GAP43: variants seen among roughly 807,000 people sequenced by gnomAD.
GAP43 encodes the protein neuromodulin.
Under a neutral mutation model 18.6 loss-of-function variants are expected in GAP43, and 6 were observed. That is an observed-to-expected ratio of 0.32 (90% CI 0.18 to 0.64). GAP43 has a LOEUF of 0.64. Ranked by LOEUF, GAP43 falls within the 30% of genes least tolerant of loss-of-function variation. GAP43 has a pLI of 0.78. For synonymous variants in GAP43, 115 were observed against 111.4 expected, an observed-to-expected ratio of 1.03 and a Z score of -0.20; for missense variants, 292 against 295.5, an observed-to-expected ratio of 0.99 and a Z score of 0.09.
At chr3:115,708,499 G>T (rs1328921614) in intron 2 of GAP43, among the ~76,000 whole-genome samples, 1 of 152,152 alleles carries the variant, frequency 6.6e-6, no homozygotes, top group Non-Finnish European at 1.5e-5. Flanking sequence ...TAATTTATTG[G>T]TGCAAACTTA....
chr3:115,669,073 C>CAT (rs1708775363), intron 1 of GAP43, among the ~76,000 whole-genome samples: 1 of 150,624 alleles, frequency 6.6e-6, no homozygotes, highest in Non-Finnish European at 1.5e-5. Flanking sequence ...AAAAAGTACA[C>CAT]ACACACACAC....
At chr3:115,663,189 G>T (rs1029652162) in intron 1 of GAP43, among the ~76,000 whole-genome samples, 1 of 152,138 alleles carries the variant, frequency 6.6e-6, no homozygotes, top group Non-Finnish European at 1.5e-5. Flanking sequence ...TACGGCATGC[G>T]TGAAACAGTT....
intron 1 of GAP43, among the ~76,000 whole-genome samples, chr3:115,625,027 G>C (rs1364533909): frequency 6.6e-6 from 1 of 151,934 alleles, no homozygotes; most frequent in East Asian, 1.9e-4. Flanking sequence ...TGGGCAATTT[G>C]TAATACACTC....
chr3:115,668,460 T>A (rs1031834669), intron 1 of GAP43, among the ~76,000 whole-genome samples: 1 of 152,140 alleles, frequency 6.6e-6, no homozygotes, highest in Non-Finnish European at 1.5e-5. Context: ...GTTTCGCTCT[T>A]GTTGCCCAGG....
intron 1 of GAP43, among the ~76,000 whole-genome samples, chr3:115,650,525 C>G (rs886839071): frequency 5.3e-5 from 8 of 152,062 alleles, no homozygotes; most frequent in African/African-American, 1.9e-4. Flanking sequence ...CCCATACCAT[C>G]TCCTATTTCT....
intron 2 of GAP43, among the ~76,000 whole-genome samples, chr3:115,690,948 GGTTTCACC>G (rs1320770258): frequency 6.6e-6 from 1 of 151,490 alleles, no homozygotes; most frequent in Non-Finnish European, 1.5e-5. Context: ...GTAGAGATGG[GGTTTCACC>G]ATGTTAGCTA....
chr3:115,686,364 A>G (rs1173680491), intron 2 of GAP43, among the ~76,000 whole-genome samples: 1 of 152,216 alleles, frequency 6.6e-6, no homozygotes, highest in South Asian at 2.1e-4. Context: ...TCTGTTGAGC[A>G]TTGTACACTT....
chr3:115,667,216 A>AG (rs1168085899), intron 1 of GAP43, among the ~76,000 whole-genome samples: 1 of 152,216 alleles, frequency 6.6e-6, no homozygotes, highest in Non-Finnish European at 1.5e-5. Context: ...TTCTGTTCTC[A>AG]GATTGTTTAT....
At chr3:115,690,730 A>C (rs1374727331) in intron 2 of GAP43, among the ~76,000 whole-genome samples, 1 of 149,694 alleles carries the variant, frequency 6.7e-6, no homozygotes, top group Non-Finnish European at 1.5e-5. Flanking sequence ...TCCTCTGGGC[A>C]AATCTTTTTT....
chr3:115,659,569 G>A (rs555143020), intron 1 of GAP43, among the ~76,000 whole-genome samples: 1 of 152,270 alleles, frequency 6.6e-6, no homozygotes, highest in South Asian at 2.1e-4. Context: ...CAGGCTGTAA[G>A]TGGCTTCAGG....
Position 115,721,046 on chromosome 3 carries a change from TTA to T in GAP43, c.*165_*166del. The T allele has an allele frequency of 8.9e-6, 3 of 337,752 alleles. No homozygotes were observed. Among genetic ancestry groups the T allele is most frequent in the Non-Finnish European group, 1.1e-5 (2 of 187,088 alleles). 20.9% of individuals were successfully genotyped at this position (337,752 alleles called of 1,614,324 possible). ...CTCTTTCTCTCTGTGTGGCAAACATTTAAAAAAAAAAAAAAAAAGCAGGAAAG... is the reference window on the plus strand; with the variant it reads ...CTCTTTCTCTCTGTGTGGCAAACATTAAAAAAAAAAAAAAAAGCAGGAAAG... On this transcript the variant is annotated 3_prime_UTR_variant, in exon 3 of 3. Transcript: ENST00000305124.
intron 1 of GAP43, among the ~76,000 whole-genome samples, chr3:115,652,919 T>A (rs1708540233): frequency 6.6e-6 from 1 of 152,146 alleles, no homozygotes; most frequent in South Asian, 2.1e-4. Flanking sequence ...TCCGTACAAT[T>A]TTATATACCT....
chr3:115,686,769 GTTC>G (rs1470514996), intron 2 of GAP43, among the ~76,000 whole-genome samples: 1 of 152,154 alleles, frequency 6.6e-6, no homozygotes. Context: ...GGAGGCAATA[GTTC>G]TTCTCAGCTG....
intron 2 of GAP43, among the ~76,000 whole-genome samples, chr3:115,688,006 A>ATTTAT (rs1553723869): frequency 6.7e-6 from 1 of 149,792 alleles, no homozygotes; most frequent in Non-Finnish European, 1.5e-5. Context: ...AAATTTTTTT[A>ATTTAT]TTATTTATTT....
intron 1 of GAP43, among the ~76,000 whole-genome samples, chr3:115,665,231 A>G (rs1708718164): frequency 6.6e-6 from 1 of 152,164 alleles, no homozygotes; most frequent in Non-Finnish European, 1.5e-5. Context: ...AATGCCTCCT[A>G]CACAGAGATT....
chr3:115,704,546 C>T (rs1198978032), intron 2 of GAP43, among the ~76,000 whole-genome samples: 1 of 152,120 alleles, frequency 6.6e-6, no homozygotes, highest in Non-Finnish European at 1.5e-5. Context: ...CATGATTCTG[C>T]AAGCCTCCAG....
chr3:115,629,556 CT>C (rs1208854431), intron 1 of GAP43, among the ~76,000 whole-genome samples: 1 of 152,132 alleles, frequency 6.6e-6, no homozygotes, highest in African/African-American at 2.4e-5. Context: ...TGAAGCCATT[CT>C]TAACCTTCCT....
rs565836086 is a variant in GAP43 at position 115,633,002 on chromosome 3, T to G, written c.30+9283T>G. Among the ~76,000 whole-genome samples the G allele has an allele frequency of 2.8e-4, 41 of 147,472 alleles. 1 individual carries two copies. Among genetic ancestry groups the G allele is most frequent in the Middle Eastern group, 3.4e-3 (1 of 294 alleles). The stretch of plus-strand genomic sequence containing the variant: ...ATCCAAAACCAACTTTAAGAGTCTA[T>G]AAAAGGAATTTATTGGAAAAAGAAA... On this transcript the variant is annotated intron_variant, in intron 1 of 2. Transcript: ENST00000305124.
At chr3:115,708,002 C>T (rs556001165) in intron 2 of GAP43, among the ~76,000 whole-genome samples, 1 of 33,158 alleles carries the variant, frequency 3.0e-5, no homozygotes, top group African/African-American at 7.0e-5. Context: ...CACACACACA[C>T]ACACACACAC....
Sources: allele counts gnomAD v4.1 joint callset (sites outside exome capture counted in the v4.1 genomes callset), GRCh38; gene constraint gnomAD v4.1.1; transcripts MANE v1.5; gene names NCBI Gene and HGNC (gene_info 2026-07-23, HGNC 2026-07-21).